CTNNA2: variants seen among roughly 807,000 people sequenced by gnomAD.
The protein encoded by CTNNA2 is catenin alpha 2, also known as catenin alpha-2.
CTNNA2 carries 42 observed loss-of-function variants against 101.0 expected under a neutral mutation model. The observed-to-expected ratio is 0.42, with a 90% CI of 0.32 to 0.54. The LOEUF is 0.54. Among genes scored for constraint, CTNNA2 ranks in the 20% least tolerant of loss-of-function variants. The pLI, the probability that CTNNA2 is intolerant of heterozygous loss-of-function variation, is 0.14. For missense variants in CTNNA2, 871 were observed against 1,223.1 expected (o/e 0.71, Z 4.29); for synonymous variants, 450 against 456.4 (o/e 0.99, Z 0.18).
chr2:79,290,098 TC>T (rs1423329896), intron 2 of CTNNA2, among the ~76,000 whole-genome samples: 2 of 152,168 alleles, frequency 1.3e-5, no homozygotes, highest in Non-Finnish European at 2.9e-5. Flanking sequence ...AGTGAGAGAC[TC>T]CTTAAAGTTT....
intron 7 of CTNNA2, among the ~76,000 whole-genome samples, chr2:79,989,055 C>A (rs555543761): frequency 6.6e-6 from 1 of 152,120 alleles, no homozygotes; most frequent in Non-Finnish European, 1.5e-5. Context: ...AAAACGGAAA[C>A]CTCGAGAATT....
chr2:80,259,439 C>T (rs1275475529), intron 7 of CTNNA2, among the ~76,000 whole-genome samples: 1 of 152,194 alleles, frequency 6.6e-6, no homozygotes, highest in East Asian at 1.9e-4. Context: ...ATGTACAGTA[C>T]TGAGGGAGGT....
chr2:80,173,894 A>T (rs1705227331), intron 7 of CTNNA2, among the ~76,000 whole-genome samples: 1 of 152,198 alleles, frequency 6.6e-6, no homozygotes, highest in Non-Finnish European at 1.5e-5. Flanking sequence ...AAAGAAGAGC[A>T]GTACACCAGA....
intron 11 of CTNNA2, among the ~76,000 whole-genome samples, chr2:80,547,315 T>A (rs553584705): frequency 6.6e-6 from 1 of 152,142 alleles, no homozygotes; most frequent in Non-Finnish European, 1.5e-5. Context: ...GCTGCTTGAT[T>A]TAATTCTCAT....
chr2:80,190,840 T>A (rs1368130912), intron 7 of CTNNA2, among the ~76,000 whole-genome samples: 1 of 152,180 alleles, frequency 6.6e-6, no homozygotes, highest in Non-Finnish European at 1.5e-5. Flanking sequence ...TTATAGGGAT[T>A]CCTTTTGCAA....
At chr2:79,914,522 T>C (rs1686050617) in intron 7 of CTNNA2, among the ~76,000 whole-genome samples, 1 of 152,184 alleles carries the variant, frequency 6.6e-6, no homozygotes, top group South Asian at 2.1e-4. Flanking sequence ...CTGGTCCTTG[T>C]TGTGTCTTGT....
At chr2:80,612,373 C>A (rs1203515678) in intron 17 of CTNNA2, among the ~76,000 whole-genome samples, 1 of 151,444 alleles carries the variant, frequency 6.6e-6, no homozygotes, top group East Asian at 1.9e-4. Flanking sequence ...TGATAATATT[C>A]AAATCAACTC....
At chr2:79,684,588 A>G (rs945989070) in intron 2 of CTNNA2, among the ~76,000 whole-genome samples, 1 of 152,228 alleles carries the variant, frequency 6.6e-6, no homozygotes, top group East Asian at 1.9e-4. Flanking sequence ...TGTTCAATAT[A>G]TAAATCAAGA....
At chr2:80,473,176 G>T (rs904477337) in intron 9 of CTNNA2, among the ~76,000 whole-genome samples, 1 of 152,170 alleles carries the variant, frequency 6.6e-6, no homozygotes, top group Non-Finnish European at 1.5e-5. Flanking sequence ...GTGTGGACTG[G>T]TGATAATGAC....
rs572611298 is a variant in CTNNA2, at chr2:79,346,167, G to T, written c.-317-27664G>T. On this transcript the variant is annotated intron_variant, in intron 3 of 21. Transcript: ENST00000466387. ...CATGATTAAATACAGAAAACATTTT[G>T]CTTTGTGTTGCATTGGCTTATGTTT... Among the ~76,000 whole-genome samples, 4 of 152,228 alleles carry T rather than the reference G, an allele frequency of 2.6e-5. 1 individual carries two copies. The highest frequency in any genetic ancestry group is 4.8e-5 in the African/African-American group (2 of 41,546).
intron 3 of CTNNA2, among the ~76,000 whole-genome samples, chr2:79,820,055 A>G (rs1381797171): frequency 4.0e-5 from 6 of 151,314 alleles, no homozygotes; most frequent in African/African-American, 1.5e-4. Context: ...TTGTCTGTAT[A>G]TGACTGTAAA....
At chr2:80,587,710 C>T (rs1324298765) in intron 14 of CTNNA2, among the ~76,000 whole-genome samples, 4 of 152,136 alleles carry the variant, frequency 2.6e-5, no homozygotes, top group Non-Finnish European at 4.4e-5. Flanking sequence ...AAGCATTTTT[C>T]TTGTGTTATT....
rs116735271 is a variant in CTNNA2 at position 80,158,147 on chromosome 2, G to A, written c.1057-235064G>A. Among the ~76,000 whole-genome samples, 130 of 152,206 alleles carry A rather than the reference G, an allele frequency of 8.5e-4. 2 individuals are homozygous for A. Among genetic ancestry groups the A allele is most frequent in the African/African-American group, 2.9e-3 (122 of 41,552 alleles). On this transcript the variant is annotated intron_variant, in intron 7 of 18. Transcript: ENST00000402739. The stretch of plus-strand genomic sequence containing the variant: ...ATGTCAGAAATAGCCTCTTCCACCC[G>A]ATTAATTATGAACCAAAGAGATCAT...
At chr2:79,369,591 C>A (rs962119115) in intron 3 of CTNNA2, among the ~76,000 whole-genome samples, 1 of 152,130 alleles carries the variant, frequency 6.6e-6, no homozygotes, top group Admixed American at 6.6e-5. Flanking sequence ...AGGTAGGTAT[C>A]AATGCCCTAA....
At chr2:79,536,514 A>G (rs1673070698) in intron 1 of CTNNA2, among the ~76,000 whole-genome samples, 2 of 152,022 alleles carry the variant, frequency 1.3e-5, no homozygotes, top group African/African-American at 2.4e-5. Context: ...TAATAATATC[A>G]TAACAAGGTT....
intron 2 of CTNNA2, among the ~76,000 whole-genome samples, chr2:79,276,643 G>A (rs1675220000): frequency 2.6e-5 from 4 of 151,880 alleles, no homozygotes; most frequent in African/African-American, 7.3e-5. Context: ...TACGGTGTTT[G>A]TGTAACTTTT....
chr2:79,627,189 G>C (rs942538838), intron 1 of CTNNA2, among the ~76,000 whole-genome samples: 1 of 152,190 alleles, frequency 6.6e-6, no homozygotes, highest in Non-Finnish European at 1.5e-5. Context: ...AGATGTAGAT[G>C]GTTTTGCCAT....
chr2:79,684,506 A>T (rs180791914), intron 2 of CTNNA2, among the ~76,000 whole-genome samples: 4 of 152,322 alleles, frequency 2.6e-5, no homozygotes, highest in Non-Finnish European at 4.4e-5. Flanking sequence ...AACTATTTTC[A>T]GACATAATGT....
intron 9 of CTNNA2, among the ~76,000 whole-genome samples, chr2:80,543,553 C>T (rs1170324616): frequency 6.6e-6 from 1 of 152,160 alleles, no homozygotes; most frequent in Non-Finnish European, 1.5e-5. Flanking sequence ...ATTCTTTACA[C>T]TAATGGTTTA....
Sources: gnomAD v4.1 joint callset for allele counts (sites outside exome capture counted in the v4.1 genomes callset) on GRCh38, gnomAD v4.1.1 for gene constraint, MANE v1.5 for transcripts, NCBI Gene and HGNC (gene_info 2026-07-23, HGNC 2026-07-21) for gene names.